The following DYNC2I1 variants were observed in gnomAD, a reference collection of about 807,000 sequenced individuals.
DYNC2I1 encodes cytoplasmic dynein 2 intermediate chain 1.
Under a neutral mutation model 133.4 loss-of-function variants are expected in DYNC2I1, and 89 were observed. That is an observed-to-expected ratio of 0.67 (90% confidence interval 0.56 to 0.80). The LOEUF (loss-of-function observed/expected upper bound fraction) is 0.80, where lower values mean the gene tolerates loss of function less well. Among genes scored for constraint, DYNC2I1 ranks in the 30% least tolerant of loss-of-function variants. The pLI is 0.00. For synonymous variants in DYNC2I1, 504 were observed against 484.3 expected (o/e 1.04, Z -0.54); for missense variants, 1,291 against 1,314.5 (o/e 0.98, Z 0.28).
intron 5 of DYNC2I1, among the ~76,000 whole-genome samples, chr7:158,882,522 G>A (rs1343498038): frequency 2.0e-5 from 3 of 152,086 alleles, no homozygotes; most frequent in Non-Finnish European, 4.4e-5. Flanking sequence ...GGTCAAGCCT[G>A]CAGTGAGCTG....
At chr7:158,915,894 A>C (rs1848169726) in intron 14 of DYNC2I1, among the ~76,000 whole-genome samples, 2 of 150,368 alleles carry the variant, frequency 1.3e-5, no homozygotes, top group Non-Finnish European at 3.0e-5. Context: ...GGTTGAGATT[A>C]AGGATGATTG....
intron 4 of DYNC2I1, among the ~76,000 whole-genome samples, chr7:158,954,806 A>G (rs1852159585): frequency 6.6e-6 from 1 of 152,238 alleles, no homozygotes; most frequent in African/African-American, 2.4e-5. Flanking sequence ...TTAAAGGTTT[A>G]TACACATCAG....
At chr7:158,851,888 T>C (rs1303649793), upstream of DYNC2I1, among the ~76,000 whole-genome samples, 1 of 152,198 alleles carries the variant, frequency 6.6e-6, no homozygotes, top group African/African-American at 2.4e-5. Context: ...GGTTCTTTCT[T>C]CTGTTCTGAC....
downstream of DYNC2I1, among the ~76,000 whole-genome samples, chr7:158,950,006 G>A (rs1380594615): frequency 5.9e-5 from 9 of 152,062 alleles, no homozygotes; most frequent in Admixed American, 5.2e-4. Flanking sequence ...CCCAACCTCA[G>A]GTGATCTGCC....
At chr7:158,886,883 A>G (rs1844658815) in intron 6 of DYNC2I1, 138 bp from the exon 7 acceptor site, 2 of 780,376 alleles carry the variant, frequency 2.6e-6, no homozygotes, top group African/African-American at 3.5e-5. Context: ...TTACAGGTGC[A>G]AGTCATCGCT....
chr7:158,871,397 C>A lies in DYNC2I1; in HGVS notation c.325C>A (p.Arg109=). Residue 109 remains arginine, a synonymous_variant, in exon 3 of 25, where the codon CGA becomes AGA. Coordinates refer to ENST00000407559, the MANE Select transcript of DYNC2I1 (RefSeq NM_018051.5). ...GAAAGAAAAGCTGAAGGAGAAACATCGAGAGGCAGAAAAGTCTCACAGCAG... is the reference window on the plus strand; with the variant it reads ...GAAAGAAAAGCTGAAGGAGAAACATAGAGAGGCAGAAAAGTCTCACAGCAG... ...REKEKLKEKH[R]EAEKSHSRGK... is the part of the protein sequence containing the mutation. 6.4e-7 allele frequency: 1 copy of A among 1,551,584 alleles called. No individual in the cohort carries two copies. The highest frequency in any genetic ancestry group is 8.7e-7 in the Non-Finnish European group (1 of 1,147,002).
chr7:158,915,812 G>C (rs1848146134), intron 14 of DYNC2I1, among the ~76,000 whole-genome samples: 2 of 147,782 alleles, frequency 1.4e-5, no homozygotes, highest in Admixed American at 6.7e-5. Flanking sequence ...CACGCTGGTT[G>C]ACATTAAGGA....
At chr7:158,948,217 C>T (rs1851949327), downstream of DYNC2I1, among the ~76,000 whole-genome samples, 3 of 152,212 alleles carry the variant, frequency 2.0e-5, no homozygotes, top group Non-Finnish European at 2.9e-5. Context: ...GCCGACAGTG[C>T]GGGAGGCGGT....
chr7:158,859,485 C>T (rs1425576713), intron 1 of DYNC2I1, among the ~76,000 whole-genome samples: 2 of 151,952 alleles, frequency 1.3e-5, no homozygotes, highest in South Asian at 2.1e-4. Context: ...GGGTTTTATT[C>T]TGATACATAT....
chr7:158,870,107 T>C (rs906087208), intron 2 of DYNC2I1, among the ~76,000 whole-genome samples, 199 bp downstream of exon 2: 11 of 152,182 alleles, frequency 7.2e-5, no homozygotes, highest in Non-Finnish European at 1.3e-4. Flanking sequence ...CTCCCACTGC[T>C]CGTGGGGCTC....
At chr7:158,855,772 A>C (rs929199586), upstream of DYNC2I1, among the ~76,000 whole-genome samples, 4 of 152,104 alleles carry the variant, frequency 2.6e-5, no homozygotes, top group African/African-American at 9.7e-5. Context: ...CCTTTGGCTG[A>C]AGGAGTTCGG....
intron 18 of DYNC2I1, 47 bp downstream of exon 18, chr7:158,926,347 A>C: frequency 1.2e-6 from 2 of 1,602,080 alleles, no homozygotes; most frequent in African/African-American, 1.3e-5. Context: ...ATGGTTGTGA[A>C]ATATGGTTTC....
intron 11 of DYNC2I1, among the ~76,000 whole-genome samples, chr7:158,910,833 A>T (rs541125719): frequency 1.4e-5 from 2 of 143,136 alleles, no homozygotes; most frequent in Non-Finnish European, 3.0e-5. Flanking sequence ...GCCAAGGGTG[A>T]TTGGCTGTGT....
At chr7:158,916,260 T>C (rs1473508488) in intron 14 of DYNC2I1, among the ~76,000 whole-genome samples, 10 of 87,222 alleles carry the variant, frequency 1.1e-4, no homozygotes, top group Non-Finnish European at 2.2e-4. Flanking sequence ...GTCTACACGC[T>C]GGTTGACATT....
At position 158,879,051 on chromosome 7, in the gene DYNC2I1, C is replaced by T. The variant is rs572635096; in HGVS notation, c.574-633C>T. The stretch of plus-strand genomic sequence containing the variant: ...ATGTGGAGAGGCCAGGAGGGCCGAC[C>T]GTGAGTGTCGGGCACCATGTGGGGA... On this transcript the variant is annotated intron_variant, in intron 4 of 24. Transcript: ENST00000407559. Among the ~76,000 whole-genome samples the T allele has an allele frequency of 4.8e-4, 57 of 119,242 alleles. 1 individual carries two copies. The highest frequency in any genetic ancestry group is 1.7e-3 in the African/African-American group (54 of 31,306). The allele number at this position is 119,242 out of a possible 152,430, so 78.2% of individuals were successfully genotyped here.
intron 4 of DYNC2I1, among the ~76,000 whole-genome samples, chr7:158,877,704 T>G (rs1843498954): frequency 6.6e-6 from 1 of 152,174 alleles, no homozygotes. Flanking sequence ...TTTTCTCTCT[T>G]TTTTTTATTT....
At position 158,923,577 on chromosome 7, in the gene DYNC2I1, T is replaced by G; in HGVS notation, c.2101T>G (p.Cys701Gly). The change falls in exon 17 of 25, where the codon TGT (cysteine) becomes GGT (glycine). Residue 701 changes from cysteine to glycine, a missense_variant. Coordinates refer to ENST00000407559, the MANE Select transcript of DYNC2I1 (RefSeq NM_018051.5). ...KVLICESQVT[C>G]CCLSPLKAFL... ...CTGTGCCTTTGTCTTTTAGGTCACG[T>G]GTTGCTGCTTGAGCCCTTTGAAAGC... 1 of 1,614,052 alleles carries G rather than the reference T, an allele frequency of 6.2e-7. No homozygotes were observed. The highest frequency in any genetic ancestry group is 8.5e-7 in the Non-Finnish European group (1 of 1,179,912).
At chr7:158,898,166 A>G (rs1371102706) in intron 8 of DYNC2I1, among the ~76,000 whole-genome samples, 1 of 152,238 alleles carries the variant, frequency 6.6e-6, no homozygotes, top group Non-Finnish European at 1.5e-5. Context: ...AATATGGGCT[A>G]TCATGGTGAA....
At chr7:158,908,198 C>T (rs1310078312) in intron 11 of DYNC2I1, among the ~76,000 whole-genome samples, 1 of 151,546 alleles carries the variant, frequency 6.6e-6, no homozygotes, top group Non-Finnish European at 1.5e-5. Context: ...ACTAGATATA[C>T]ATTTAGTAAA....
Sources: allele counts gnomAD v4.1 joint callset (sites outside exome capture counted in the v4.1 genomes callset), GRCh38; gene constraint gnomAD v4.1.1; transcripts MANE v1.5; gene names NCBI Gene and HGNC (gene_info 2026-07-23, HGNC 2026-07-21).